UBR3: variants seen among roughly 807,000 people sequenced by gnomAD.
UBR3 encodes E3 ubiquitin-protein ligase UBR3.
Under a neutral mutation model 243.2 loss-of-function variants are expected in UBR3, and 85 were observed. That is an observed-to-expected ratio of 0.35 (90% confidence interval 0.29 to 0.42). The LOEUF (loss-of-function observed/expected upper bound fraction) is 0.42, where lower values mean the gene tolerates loss of function less well. Among genes scored for constraint, UBR3 ranks in the 10% least tolerant of loss-of-function variants. UBR3 has a pLI of 1.00. For synonymous variants in UBR3, 748 were observed against 799.8 expected, an observed-to-expected ratio of 0.94 and a Z score of 1.09; for missense variants, 1,686 against 2,300.8, an observed-to-expected ratio of 0.73 and a Z score of 5.47.
chr2:169,907,138 G>C (rs932031882), intron 10 of UBR3, among the ~76,000 whole-genome samples: 2 of 147,906 alleles, frequency 1.4e-5, no homozygotes, highest in Non-Finnish European at 3.0e-5. Context: ...CCAGGTTTAA[G>C]CAATTCTCCT....
intron 1 of UBR3, among the ~76,000 whole-genome samples, chr2:169,846,219 T>A (rs772543620): frequency 4.6e-5 from 7 of 152,212 alleles, no homozygotes; most frequent in Non-Finnish European, 1.0e-4. Flanking sequence ...TTTTTGCTGC[T>A]TGTATTTTGG....
At chr2:169,897,313 ATTC>A (rs1047520963) in intron 8 of UBR3, among the ~76,000 whole-genome samples, 20 of 152,052 alleles carry the variant, frequency 1.3e-4, no homozygotes, top group African/African-American at 3.9e-4. Context: ...AGAACTTTAT[ATTC>A]TTCTTTTGTG....
chr2:169,831,755 T>C lies in UBR3; in HGVS notation c.545+3703T>C, dbSNP rs973753980. On this transcript the variant is annotated intron_variant, in intron 1 of 38. Transcript: ENST00000272793. Reference sequence around the variant, plus strand: ...TCATCAACAGCTTGTAACAGTGTTCTCATGGGCAAAGCTGGACTACACTGG... The same window carrying C: ...TCATCAACAGCTTGTAACAGTGTTCCCATGGGCAAAGCTGGACTACACTGG... Among the ~76,000 whole-genome samples, 9 of 152,338 alleles carry C rather than the reference T, an allele frequency of 5.9e-5. No homozygotes were observed. The East Asian group carries it at 1.7e-3, about 29-fold the overall frequency.
chr2:169,935,945 C>T (rs1348012185), intron 19 of UBR3, among the ~76,000 whole-genome samples: 3 of 151,978 alleles, frequency 2.0e-5, no homozygotes, highest in Non-Finnish European at 2.9e-5. Flanking sequence ...TTTTTTTATG[C>T]TAAATGAAAT....
At chr2:170,061,515 T>A in intron 35 of UBR3, 72 bp downstream of exon 35, 2 of 1,557,814 alleles carry the variant, frequency 1.3e-6, no homozygotes, top group East Asian at 4.5e-5. Context: ...TTGCCCAGAC[T>A]GGAGTGCAGT....
chr2:170,042,914 G>A (rs1284255708), intron 32 of UBR3, among the ~76,000 whole-genome samples: 1 of 151,944 alleles, frequency 6.6e-6, no homozygotes, highest in Non-Finnish European at 1.5e-5. Flanking sequence ...AACCTGTTAA[G>A]TAGTCTTATT....
intron 24 of UBR3, among the ~76,000 whole-genome samples, chr2:169,964,002 A>G (rs1363364735): frequency 6.6e-6 from 1 of 152,182 alleles, no homozygotes; most frequent in Non-Finnish European, 1.5e-5. Flanking sequence ...TCTCTTACAC[A>G]ATCACAGTAC....
intron 1 of UBR3, among the ~76,000 whole-genome samples, chr2:169,843,721 G>A (rs977001319): frequency 1.3e-5 from 2 of 152,212 alleles, no homozygotes; most frequent in African/African-American, 4.8e-5. Context: ...TTTTGTATCT[G>A]TAGTCAAGAG....
chr2:169,832,287 A>G (rs542684526), intron 1 of UBR3, among the ~76,000 whole-genome samples: 1 of 152,336 alleles, frequency 6.6e-6, no homozygotes, highest in African/African-American at 2.4e-5. Context: ...GCGGTGGCTC[A>G]CGCCTGCAAT....
At chr2:169,900,012 A>G (rs1044848647) in intron 8 of UBR3, among the ~76,000 whole-genome samples, 21 of 152,194 alleles carry the variant, frequency 1.4e-4, no homozygotes. Context: ...GTATATACCC[A>G]GTAAAGGGAT....
chr2:169,956,300 T>TTTTATATA (rs1553519140), intron 23 of UBR3, among the ~76,000 whole-genome samples: 2 of 147,010 alleles, frequency 1.4e-5, no homozygotes, highest in African/African-American at 5.0e-5. Flanking sequence ...AACTAAAATG[T>TTTTATATA]TATATATATA....
chr2:169,877,315 C>T lies in UBR3; in HGVS notation c.845-179C>T, dbSNP rs899221366. The stretch of plus-strand genomic sequence containing the variant: ...TTGGTATAAACATGCTGTGTATTCT[C>T]GGATTGTTAGTGCTAAACATAAGCA... On this transcript the variant is annotated intron_variant, in intron 3 of 38. Transcript: ENST00000272793. Among the ~76,000 whole-genome samples, 9 of 152,218 alleles carry T rather than the reference C, an allele frequency of 5.9e-5. No homozygotes were observed. The South Asian group carries it at 1.0e-3, about 18-fold the overall frequency.
intron 31 of UBR3, 27 bp from the exon 32 acceptor site, chr2:170,040,855 T>C: frequency 6.5e-7 from 1 of 1,540,196 alleles, no homozygotes; most frequent in Non-Finnish European, 9.0e-7. Flanking sequence ...TACAATACTA[T>C]GTAAAGTGAC....
At chr2:169,884,312 C>T (rs1214185480) in intron 5 of UBR3, among the ~76,000 whole-genome samples, 2 of 152,006 alleles carry the variant, frequency 1.3e-5, no homozygotes, top group Non-Finnish European at 2.9e-5. Flanking sequence ...GCCACCACAC[C>T]CGGCTAATTT....
intron 35 of UBR3, among the ~76,000 whole-genome samples, chr2:170,061,725 C>A (rs1367041975): frequency 1.3e-5 from 2 of 152,164 alleles, no homozygotes; most frequent in Non-Finnish European, 2.9e-5. Context: ...GCCTCGGCCT[C>A]CCAAAATGCT....
intron 5 of UBR3, among the ~76,000 whole-genome samples, chr2:169,882,719 C>G (rs2083940300): frequency 6.7e-6 from 1 of 149,612 alleles, no homozygotes; most frequent in African/African-American, 2.5e-5. Context: ...GCCTGGGTGA[C>G]AGAGTGAGAC....
intron 31 of UBR3, among the ~76,000 whole-genome samples, chr2:170,035,920 G>GGT (rs2090818967): frequency 1.6e-5 from 2 of 123,094 alleles, no homozygotes; most frequent in Non-Finnish European, 3.5e-5. Context: ...TGGGGGGGGG[G>GGT]TTGCTAATTT....
intron 1 of UBR3, among the ~76,000 whole-genome samples, chr2:169,859,112 G>T (rs1377065942): frequency 1.7e-5 from 2 of 120,762 alleles, no homozygotes; most frequent in Non-Finnish European, 3.3e-5. Flanking sequence ...TTGAGATGGA[G>T]TCTTGCTCTG....
At position 169,887,024 on chromosome 2, in the gene UBR3, TCAC is replaced by T. The variant is rs552572973; in HGVS notation, c.1039-4140_1039-4138del. 1.4e-3 allele frequency among the ~76,000 whole-genome samples: 217 copies of T among 152,262 alleles called. 1 individual carries two copies. Among genetic ancestry groups the T allele is most frequent in the African/African-American group, 5.1e-3 (210 of 41,544 alleles). On this transcript the variant is annotated intron_variant, in intron 5 of 38. Coordinates refer to ENST00000272793, the MANE Select transcript of UBR3 (RefSeq NM_172070.4). ...TTTACCTGACTTCTTTTTATGAAGCTCACATTTATGAAAAAATGTGATGAAAAC... is the reference window on the plus strand; with the variant it reads ...TTTACCTGACTTCTTTTTATGAAGCTATTTATGAAAAAATGTGATGAAAAC...
Sources: allele counts gnomAD v4.1 joint callset (sites outside exome capture counted in the v4.1 genomes callset), GRCh38; gene constraint gnomAD v4.1.1; transcripts MANE v1.5; gene names NCBI Gene and HGNC (gene_info 2026-07-23, HGNC 2026-07-21).